Variants in SNX25 observed in about 807,000 individuals in gnomAD.
SNX25 encodes the protein sorting nexin-25.
Under a neutral mutation model 113.7 loss-of-function variants are expected in SNX25, and 62 were observed. The observed-to-expected ratio is 0.55, with a 90% CI of 0.44 to 0.67. The LOEUF (loss-of-function observed/expected upper bound fraction) is 0.67. SNX25 is among the 30% of genes least tolerant of loss of function. The pLI, the probability that SNX25 is intolerant of heterozygous loss-of-function variation, is 0.00. For missense variants in SNX25, 1,014 were observed against 1,161.0 expected, an observed-to-expected ratio of 0.87 and a Z score of 1.84; for synonymous variants, 421 against 436.2, an observed-to-expected ratio of 0.97 and a Z score of 0.43.
In SNX25 at chr4:185,347,458, C is replaced by CTTTTG. The variant is rs528383809; in HGVS notation, c.2301+834_2301+838dup. ...GGGGTTTGGTGTTTTTTTTTGTTTTCTTTTGTTTTGTTTTGTTTTGTTTTG... is the reference window on the plus strand; with the variant it reads ...GGGGTTTGGTGTTTTTTTTTGTTTTCTTTTGTTTTGTTTTGTTTTGTTTTGTTTTG... On this transcript the variant is annotated intron_variant, in intron 13 of 18. Coordinates refer to ENST00000652585, the MANE Select transcript of SNX25 (RefSeq NM_001378034.2). Among the ~76,000 whole-genome samples the CTTTTG allele has an allele frequency of 3.8e-3, 579 of 150,922 alleles. 4 individuals are homozygous for CTTTTG. Among genetic ancestry groups the CTTTTG allele is most frequent in the East Asian group, 0.014 (73 of 5,160 alleles).
chr4:185,291,360 A>C (rs1408132716), intron 6 of SNX25, among the ~76,000 whole-genome samples: 2 of 151,330 alleles, frequency 1.3e-5, no homozygotes, highest in Non-Finnish European at 2.9e-5. Flanking sequence ...CAATAGCTCC[A>C]CTCTCCCCAC....
At chr4:185,314,518 TG>T (rs2095055209) in intron 7 of SNX25, among the ~76,000 whole-genome samples, 1 of 152,070 alleles carries the variant, frequency 6.6e-6, no homozygotes, top group African/African-American at 2.4e-5. Flanking sequence ...ACAATTTAAA[TG>T]GAAGAGACAA....
chr4:185,314,051 T>A (rs1175515746), intron 7 of SNX25, among the ~76,000 whole-genome samples: 1 of 152,186 alleles, frequency 6.6e-6, no homozygotes, highest in Non-Finnish European at 1.5e-5. Flanking sequence ...AGTCTTGCTG[T>A]GTCAGGGGCG....
chr4:185,339,380 T>C lies in SNX25; in HGVS notation c.1916T>C (p.Ile639Thr). The C allele has an allele frequency of 6.2e-7, 1 of 1,613,804 alleles. No individual in the cohort carries two copies. Among genetic ancestry groups the C allele is most frequent in the South Asian group, 1.1e-5 (1 of 91,038 alleles). ...CCCAGGATATTTTCCCTGTGGCAGA[T>C]TGTTTCCAAGTTGAAGGATGAAATA... ...IQNAPKPDKK[I>T]VSKLKDEIIL... is the part of the protein sequence containing the mutation. Residue 639 changes from isoleucine (I) to threonine (T), a missense_variant and splice_region_variant, in exon 11 of 19, where the codon ATT becomes ACT. By Grantham distance (89) the Ile-to-Thr change is moderately conservative (BLOSUM62 -1). Transcript: ENST00000652585.
chr4:185,282,223 G>A (rs1236619247), intron 5 of SNX25, among the ~76,000 whole-genome samples: 3 of 152,064 alleles, frequency 2.0e-5, no homozygotes, highest in South Asian at 2.1e-4. Flanking sequence ...GTGCAACGGC[G>A]GAATCTCAGC....
intron 7 of SNX25, among the ~76,000 whole-genome samples, chr4:185,316,205 T>C (rs2126675745): frequency 6.6e-6 from 1 of 152,384 alleles, no homozygotes; most frequent in Middle Eastern, 3.4e-3. Context: ...CAGTGCCTTC[T>C]CTTTCTCCTG....
At chr4:185,313,428 CAG>C (rs1445684825) in intron 7 of SNX25, among the ~76,000 whole-genome samples, 1 of 151,996 alleles carries the variant, frequency 6.6e-6, no homozygotes, top group Non-Finnish European at 1.5e-5. Context: ...CGAAACCTGA[CAG>C]AAATGAGAAA....
At chr4:185,228,258 G>A (rs536948104) in intron 1 of SNX25, among the ~76,000 whole-genome samples, 1 of 152,230 alleles carries the variant, frequency 6.6e-6, no homozygotes, top group East Asian at 1.9e-4. Flanking sequence ...ACATTTTTAG[G>A]TTAAGGGAAA....
downstream of SNX25, chr4:185,374,089 T>C (rs376242717): frequency 1.1e-5 from 17 of 1,489,494 alleles, no homozygotes; most frequent in African/African-American, 1.8e-4. Context: ...GTGAAACAAA[T>C]ATTAATCTAA....
downstream of SNX25, among the ~76,000 whole-genome samples, chr4:185,367,533 A>G (rs1579960182): frequency 6.6e-6 from 1 of 152,248 alleles, no homozygotes; most frequent in African/African-American, 2.4e-5. Flanking sequence ...AATTATTAAA[A>G]TAAGTAAAAT....
At chr4:185,341,911 A>G in intron 11 of SNX25, 65 bp from the exon 12 acceptor site, 1 of 1,516,788 alleles carries the variant, frequency 6.6e-7, no homozygotes. Context: ...GGACACTTAC[A>G]GATCTTCCTT....
chr4:185,258,707 TTC>T, intron 2 of SNX25, 139 bp from the exon 3 acceptor site: 1 of 647,448 alleles, frequency 1.5e-6, no homozygotes, highest in Non-Finnish European at 2.6e-6. Flanking sequence ...GACTTAGGAA[TTC>T]TCATGAGTTC....
At chr4:185,369,610 TA>T (rs1454929823) in intron 11 of SNX25, 4 of 318,918 alleles carry the variant, frequency 1.3e-5, no homozygotes, top group Non-Finnish European at 2.4e-5. Flanking sequence ...GGTGTAGAGG[TA>T]AATATCTTAA....
chr4:185,318,077 C>T (rs1042726667), intron 7 of SNX25, among the ~76,000 whole-genome samples: 1 of 152,130 alleles, frequency 6.6e-6, no homozygotes, highest in Non-Finnish European at 1.5e-5. Context: ...CCCCTTCTGC[C>T]CACAAAACAG....
intron 8 of SNX25, among the ~76,000 whole-genome samples, chr4:185,321,081 T>C (rs1476381589): frequency 1.3e-5 from 2 of 152,178 alleles, no homozygotes; most frequent in Non-Finnish European, 2.9e-5. Flanking sequence ...AAAAAGGTTT[T>C]ATAAATGTAC....
rs2126741718 is a variant in SNX25 at position 185,351,442 on chromosome 4, T to C, written c.2302-3T>C. ...GGAGCAGTTAATCCTCTTTCTTCCA[T>C]AGAATCTGCTTTCAGATGAAAGACT... On this transcript the variant is annotated splice_polypyrimidine_tract_variant and splice_region_variant and intron_variant, in intron 13 of 18. Transcript: ENST00000652585. The C allele has an allele frequency of 6.2e-7, 1 of 1,613,040 alleles. No individual in the cohort carries two copies. Among genetic ancestry groups the C allele is most frequent in the Middle Eastern group, 1.7e-4 (1 of 6,054 alleles).
In SNX25 at chr4:185,323,685, A is replaced by C; in HGVS notation, c.1634A>C (p.Glu545Ala). The change falls in exon 9 of 19, where the codon GAG (glutamate) becomes GCG (alanine). Residue 545 changes from glutamate (E) to alanine (A), a missense_variant. Transcript: ENST00000652585. The stretch of plus-strand genomic sequence containing the variant: ...TACAAAATCCAGGAAGATGTTTATG[A>C]GACCCTAAAGGATAGGTATTACCCT... The part of the protein sequence containing the change: ...VFYKIQEDVY[E>A]TLKDRYYPSF... 6.2e-7 allele frequency: 1 copy of C among 1,613,778 alleles called. No homozygotes were observed. The highest frequency in any genetic ancestry group is 1.1e-5 in the South Asian group (1 of 91,072).
At chr4:185,312,868 T>C (rs916195060) in intron 7 of SNX25, among the ~76,000 whole-genome samples, 1 of 152,182 alleles carries the variant, frequency 6.6e-6, no homozygotes, top group Non-Finnish European at 1.5e-5. Context: ...GAAACTCATT[T>C]CTGTTGCAAT....
chr4:185,261,122 G>C (rs1054088770), intron 3 of SNX25, among the ~76,000 whole-genome samples: 11 of 134,720 alleles, frequency 8.2e-5, no homozygotes, highest in South Asian at 2.4e-4. Flanking sequence ...CTCTGTGTGT[G>C]TGTGTGTGTG....
Sources: gnomAD v4.1 joint callset for allele counts (sites outside exome capture counted in the v4.1 genomes callset) on GRCh38, gnomAD v4.1.1 for gene constraint, MANE v1.5 for transcripts, NCBI Gene and HGNC (gene_info 2026-07-23, HGNC 2026-07-21) for gene names.